TRAPPC9: variants seen among roughly 807,000 people sequenced by gnomAD.
TRAPPC9 encodes IKK2 binding protein.
In TRAPPC9, 83 loss-of-function variants were observed where a neutral mutation model predicts 124.0. That is an observed-to-expected ratio of 0.67 (90% CI 0.56 to 0.80). The LOEUF is 0.80. Ranked by LOEUF, TRAPPC9 falls within the 30% of genes least tolerant of loss-of-function variation. The probability of loss-of-function intolerance (pLI) is 0.00; values close to 1 mark genes in which losing one functional copy is unlikely to be tolerated. For synonymous variants in TRAPPC9, 638 were observed against 617.5 expected (o/e 1.03, Z -0.49); for missense variants, 1,302 against 1,508.3 (o/e 0.86, Z 2.27).
At chr8:140,052,811 G>C (rs374639103) in intron 17 of TRAPPC9, among the ~76,000 whole-genome samples, 17 of 151,748 alleles carry the variant, frequency 1.1e-4, no homozygotes, top group African/African-American at 4.1e-4. Context: ...GTCAGGCATG[G>C]TGGCATACAC....
Position 140,266,226 on chromosome 8 carries a change from C to T in TRAPPC9, c.2278+9432G>A, listed in dbSNP as rs538632651. 1.1e-4 allele frequency among the ~76,000 whole-genome samples: 17 copies of T among 152,086 alleles called. No homozygotes were observed. The South Asian group carries it at 1.7e-3, about 15-fold the overall frequency. ...AATACAGGACTTTGGGAGGCTGAGG[C>T]GGACAGAGTATTTGGGCTTAGGAGT... On this transcript the variant is annotated intron_variant, in intron 15 of 22. Coordinates refer to ENST00000438773, the MANE Select transcript of TRAPPC9 (RefSeq NM_001160372.4).
chr8:140,376,376 G>A (rs1588241413), intron 7 of TRAPPC9, among the ~76,000 whole-genome samples: 2 of 151,976 alleles, frequency 1.3e-5, no homozygotes, highest in Middle Eastern at 6.8e-3. Context: ...CCAACACAGT[G>A]AAACCCCGTC....
At chr8:139,868,970 A>T (rs1346303772) in intron 21 of TRAPPC9, among the ~76,000 whole-genome samples, 1 of 152,216 alleles carries the variant, frequency 6.6e-6, no homozygotes, top group African/African-American at 2.4e-5. Context: ...TGTAGAAGGA[A>T]AGTTTAAAAA....
intron 19 of TRAPPC9, among the ~76,000 whole-genome samples, chr8:139,927,438 T>C (rs1832882158): frequency 6.6e-6 from 1 of 151,942 alleles, no homozygotes; most frequent in Admixed American, 6.6e-5. Context: ...TAGAGATGAG[T>C]TCTCATTATG....
At chr8:140,200,250 T>C (rs1373445793) in intron 17 of TRAPPC9, among the ~76,000 whole-genome samples, 1 of 150,852 alleles carries the variant, frequency 6.6e-6, no homozygotes, top group Non-Finnish European at 1.5e-5. Context: ...ATAGGTTTCC[T>C]AGCGCTATCC....
chr8:140,080,280 G>C (rs1349260639), intron 17 of TRAPPC9, among the ~76,000 whole-genome samples: 1 of 152,200 alleles, frequency 6.6e-6, no homozygotes, highest in Non-Finnish European at 1.5e-5. Context: ...TCTTTCACTT[G>C]TGATGCACAA....
chr8:140,280,960 G>A (rs918200081), intron 14 of TRAPPC9, among the ~76,000 whole-genome samples: 1 of 152,180 alleles, frequency 6.6e-6, no homozygotes, highest in Non-Finnish European at 1.5e-5. Context: ...TCTGCACTGG[G>A]GCACGTGTCC....
At chr8:140,191,435 G>A (rs1382206521) in intron 17 of TRAPPC9, among the ~76,000 whole-genome samples, 1 of 152,180 alleles carries the variant, frequency 6.6e-6, no homozygotes, top group Non-Finnish European at 1.5e-5. Context: ...TCTGGATCAT[G>A]AGGGACCAAT....
chr8:140,011,094 C>T (rs1839084832), intron 18 of TRAPPC9, among the ~76,000 whole-genome samples: 1 of 152,090 alleles, frequency 6.6e-6, no homozygotes, highest in African/African-American at 2.4e-5. Flanking sequence ...AATACTGGCA[C>T]TTTGGGAGGC....
At chr8:140,152,377 T>TTTTTTA (rs2061558263) in intron 17 of TRAPPC9, among the ~76,000 whole-genome samples, 1 of 133,948 alleles carries the variant, frequency 7.5e-6, no homozygotes, top group Non-Finnish European at 1.6e-5. Flanking sequence ...TTTTTTTTTT[T>TTTTTTA]TGAGATGGAG....
intron 17 of TRAPPC9, among the ~76,000 whole-genome samples, chr8:140,184,113 A>T (rs1014957380): frequency 1.3e-5 from 2 of 152,094 alleles, no homozygotes; most frequent in Admixed American, 6.5e-5. Context: ...GGGCAGGGCC[A>T]CAGCTGACAA....
intron 9 of TRAPPC9, among the ~76,000 whole-genome samples, chr8:140,336,132 C>T (rs983463219): frequency 1.2e-4 from 18 of 151,830 alleles, no homozygotes; most frequent in African/African-American, 4.4e-4. Flanking sequence ...ATTTTTGAAA[C>T]CAAAATTTCT....
chr8:140,279,260 G>A (rs930084454), intron 14 of TRAPPC9, among the ~76,000 whole-genome samples: 3 of 152,174 alleles, frequency 2.0e-5, no homozygotes, highest in African/African-American at 7.2e-5. Context: ...TCATACAAGG[G>A]CAGCGGCCTA....
chr8:139,771,611 C>T (rs897229983), intron 21 of TRAPPC9, among the ~76,000 whole-genome samples: 2 of 152,216 alleles, frequency 1.3e-5, no homozygotes. Flanking sequence ...AGGACCACTG[C>T]TGATCATCTG....
chr8:140,443,178 G>A (rs1437284394), intron 2 of TRAPPC9, among the ~76,000 whole-genome samples: 1 of 135,556 alleles, frequency 7.4e-6, no homozygotes, highest in African/African-American at 2.7e-5. Context: ...GCTCACACCT[G>A]TAATCCCAGC....
rs1040723514 is a variant in TRAPPC9 at position 139,729,307 on chromosome 8, T to C, written c.*1754A>G. Reference sequence around the variant, plus strand: ...CATCATCCTGCAATGTGTTGTTTCATTCAATGGCGTATTTTTGGGCTCTGT... The same window carrying C: ...CATCATCCTGCAATGTGTTGTTTCACTCAATGGCGTATTTTTGGGCTCTGT... On this transcript the variant is annotated 3_prime_UTR_variant, in exon 23 of 23. Transcript: ENST00000438773. 1.3e-5 allele frequency among the ~76,000 whole-genome samples: 2 copies of C among 152,272 alleles called. No homozygotes were observed. The highest frequency in any genetic ancestry group is 4.8e-5 in the African/African-American group (2 of 41,482).
At chr8:140,169,019 G>T (rs150045705) in intron 17 of TRAPPC9, among the ~76,000 whole-genome samples, 9 of 150,878 alleles carry the variant, frequency 6.0e-5, no homozygotes, top group Non-Finnish European at 2.9e-5. Context: ...CGAGGGGCTC[G>T]CGGTCCCCTG....
At chr8:140,419,869 G>C (rs1281780026) in intron 5 of TRAPPC9, among the ~76,000 whole-genome samples, 1 of 152,048 alleles carries the variant, frequency 6.6e-6, no homozygotes, top group African/African-American at 2.4e-5. Flanking sequence ...TCGGGGGACA[G>C]AGTGAGACTC....
At chr8:139,880,163 T>A (rs1829589534) in intron 21 of TRAPPC9, among the ~76,000 whole-genome samples, 1 of 152,220 alleles carries the variant, frequency 6.6e-6, no homozygotes, top group Non-Finnish European at 1.5e-5. Context: ...CGGGAAGAGA[T>A]GCCATTCAAC....
Sources: allele counts gnomAD v4.1 joint callset (sites outside exome capture counted in the v4.1 genomes callset), GRCh38; gene constraint gnomAD v4.1.1; transcripts MANE v1.5; gene names NCBI Gene and HGNC (gene_info 2026-07-23, HGNC 2026-07-21).